The following MYO16 variants were observed in gnomAD, a reference collection of about 807,000 sequenced individuals.
MYO16 encodes the protein myosin XVI.
MYO16 carries 94 observed loss-of-function variants against 205.3 expected under a neutral mutation model. The ratio of observed to expected loss-of-function variants is 0.46; its 90% CI spans 0.39 to 0.54. MYO16 has a LOEUF of 0.54. Among genes scored for constraint, MYO16 ranks in the 20% least tolerant of loss-of-function variants. The pLI is 0.00. For missense variants in MYO16, 2,315 were observed against 2,387.5 expected, an observed-to-expected ratio of 0.97 and a Z score of 0.63; for synonymous variants, 988 against 954.0, an observed-to-expected ratio of 1.04 and a Z score of -0.66.
At chr13:108,876,483 A>G in intron 12 of MYO16, among the ~76,000 whole-genome samples, 1 of 152,212 alleles carries the variant, frequency 6.6e-6, no homozygotes, top group East Asian at 1.9e-4. Context: ...ACATAGGGTA[A>G]GTACCACTTC....
At chr13:108,517,147 C>G in the MYO16 span, among the ~76,000 whole-genome samples, 1 of 152,122 alleles carries the variant, frequency 6.6e-6, no homozygotes, top group African/African-American at 2.4e-5. Context: ...TCAGACTGGT[C>G]TTAAACTTCT....
At chr13:108,751,393 A>C (rs757042768) in intron 4 of MYO16, among the ~76,000 whole-genome samples, 3 of 152,212 alleles carry the variant, frequency 2.0e-5, no homozygotes, top group Non-Finnish European at 4.4e-5. Flanking sequence ...GCAACATGAT[A>C]AAACAGTAGT....
intron 32 of MYO16, among the ~76,000 whole-genome samples, chr13:109,158,557 GC>G (rs1878195434): frequency 1.3e-5 from 2 of 152,238 alleles, no homozygotes; most frequent in South Asian, 4.2e-4. Flanking sequence ...AGGTGACGTT[GC>G]CTTTGTAGTC....
chr13:108,973,169 C>G (rs1594438398), intron 20 of MYO16, among the ~76,000 whole-genome samples: 1 of 151,640 alleles, frequency 6.6e-6, no homozygotes, highest in Admixed American at 6.6e-5. Flanking sequence ...TTTTGTTTCA[C>G]AAGTCGAAAC....
chr13:109,122,332 A>G (rs1024243112), intron 29 of MYO16, among the ~76,000 whole-genome samples: 7 of 152,036 alleles, frequency 4.6e-5, no homozygotes, highest in Non-Finnish European at 8.8e-5. Flanking sequence ...GGAACAGAAA[A>G]AATGAACAGA....
At chr13:109,167,623 G>GC (rs1878737056) in intron 33 of MYO16, among the ~76,000 whole-genome samples, 1 of 152,140 alleles carries the variant, frequency 6.6e-6, no homozygotes, top group Admixed American at 6.5e-5. Flanking sequence ...TCAATCCAAC[G>GC]TTTGTAAAAA....
intron 11 of MYO16, among the ~76,000 whole-genome samples, chr13:108,855,928 G>T (rs780238647): frequency 6.6e-6 from 1 of 152,208 alleles, no homozygotes; most frequent in Non-Finnish European, 1.5e-5. Flanking sequence ...GGAACAGGAA[G>T]CGAAAGAGCA....
intron 14 of MYO16, among the ~76,000 whole-genome samples, chr13:108,892,834 T>A (rs1160481982): frequency 2.0e-5 from 3 of 152,252 alleles, no homozygotes; most frequent in Non-Finnish European, 4.4e-5. Context: ...TATTACCTTA[T>A]GTAAATTGGC....
chr13:108,964,990 G>T, intron 20 of MYO16, 88 bp downstream of exon 20: 1 of 1,337,540 alleles, frequency 7.5e-7, no homozygotes, highest in Non-Finnish European at 1.0e-6. Flanking sequence ...CATATTACAG[G>T]GTAACCAATA....
intron 6 of MYO16, among the ~76,000 whole-genome samples, chr13:108,804,868 A>C (rs2138977109): frequency 6.6e-6 from 1 of 152,244 alleles, no homozygotes; most frequent in African/African-American, 2.4e-5. Flanking sequence ...GCTTGTGGTA[A>C]GTGGCCCAGG....
At chr13:108,881,165 T>C (rs574743002) in intron 12 of MYO16, among the ~76,000 whole-genome samples, 11 of 152,132 alleles carry the variant, frequency 7.2e-5, no homozygotes, top group Middle Eastern at 3.2e-3. Flanking sequence ...GCTGGTGATA[T>C]CCAGGCAAAC....
At chr13:108,640,344 T>C (rs10083231) in intron 1 of MYO16, among the ~76,000 whole-genome samples, 3,924 of 152,132 alleles carry the variant, frequency 0.026, 166 homozygotes, top group African/African-American at 0.082. Flanking sequence ...ATTAGTGATG[T>C]AGACGTAGAG....
rs554985109 is a variant in MYO16 at position 108,927,934 on chromosome 13, A to G, written c.1925+17784A>G. On this transcript the variant is annotated intron_variant, in intron 16 of 34. Transcript: ENST00000457511. ...AGGCTGCACCATCTCGCGCCACCAC[A>G]CTGATTTCCACCAGTTCAGTAAAGG... Among the ~76,000 whole-genome samples, 8 of 152,294 alleles carry G rather than the reference A, an allele frequency of 5.3e-5. No individual in the cohort carries two copies. In the East Asian group the frequency reaches 1.5e-3, roughly 29 times the overall value.
rs534935892 is a variant in MYO16, at chr13:109,096,259, C to T, written c.3336-4526C>T. 1.3e-4 allele frequency among the ~76,000 whole-genome samples: 20 copies of T among 152,328 alleles called. No homozygotes were observed. In the South Asian group the frequency reaches 4.2e-3, roughly 32 times the overall value. On this transcript the variant is annotated intron_variant, in intron 27 of 34. Transcript: ENST00000457511. ...GTCTCTGGTGGCAGCCATAGATCCT[C>T]AGTGTTCCTTGGCTTGCAGCTGTGT...
intron 16 of MYO16, among the ~76,000 whole-genome samples, chr13:108,912,738 GT>G (rs1881322278): frequency 6.6e-6 from 1 of 151,982 alleles, no homozygotes. Context: ...GAAGAGAAGA[GT>G]TTTGGGTTTC....
chr13:108,497,062 C>T, the MYO16 span, among the ~76,000 whole-genome samples: 6 of 152,124 alleles, frequency 3.9e-5, no homozygotes, highest in African/African-American at 1.4e-4. Flanking sequence ...CTATTTCTGA[C>T]GCTCCTGCGG....
chr13:108,520,034 G>T, the MYO16 span, among the ~76,000 whole-genome samples: 1 of 152,098 alleles, frequency 6.6e-6, no homozygotes, highest in Non-Finnish European at 1.5e-5. Flanking sequence ...AATTATTTTT[G>T]AGTGCATTTT....
At chr13:108,805,949 T>TAAATAAATAAATAAAC (rs879814386) in intron 6 of MYO16, among the ~76,000 whole-genome samples, 125 of 150,996 alleles carry the variant, frequency 8.3e-4, no homozygotes, top group Non-Finnish European at 1.4e-3. Flanking sequence ...AATAAATAAA[T>TAAATAAATAAATAAAC]AAATAAATAA....
At chr13:109,097,776 T>C (rs1187741688) in intron 27 of MYO16, among the ~76,000 whole-genome samples, 1 of 152,218 alleles carries the variant, frequency 6.6e-6, no homozygotes, top group Non-Finnish European at 1.5e-5. Context: ...ATTTTTATGC[T>C]TTCCTATACA....
Sources: gnomAD v4.1 joint callset for allele counts (sites outside exome capture counted in the v4.1 genomes callset) on GRCh38, gnomAD v4.1.1 for gene constraint, MANE v1.5 for transcripts, NCBI Gene and HGNC (gene_info 2026-07-23, HGNC 2026-07-21) for gene names.